Variants in LRMDA observed in about 807,000 individuals in gnomAD.
LRMDA encodes the protein leucine rich melanocyte differentiation associated.
Under a neutral mutation model 29.8 loss-of-function variants are expected in LRMDA, and 18 were observed. The ratio of observed to expected loss-of-function variants is 0.60; its 90% CI spans 0.42 to 0.90. LRMDA has a LOEUF of 0.90. Ranked by LOEUF, LRMDA falls within the 40% of genes least tolerant of loss-of-function variation. The probability of loss-of-function intolerance (pLI) is 0.00; values close to 1 mark genes in which losing one functional copy is unlikely to be tolerated. For missense variants in LRMDA, 273 were observed against 273.9 expected (o/e 1.00, Z 0.02); for synonymous variants, 125 against 109.4 (o/e 1.14, Z -0.89).
At chr10:75,553,619 A>G (rs573777894) in intron 2 of LRMDA, among the ~76,000 whole-genome samples, 24 of 152,246 alleles carry the variant, frequency 1.6e-4, no homozygotes, top group Non-Finnish European at 2.8e-4. Context: ...GCAGGCCTCT[A>G]TATCTATGCA....
At chr10:75,641,611 T>A (rs149789133) in intron 2 of LRMDA, among the ~76,000 whole-genome samples, 12 of 150,384 alleles carry the variant, frequency 8.0e-5, no homozygotes, top group African/African-American at 2.4e-4. Context: ...TTAAAAAAAA[T>A]TTTTTTTTTG....
At chr10:75,462,024 C>G (rs956080612) in intron 2 of LRMDA, among the ~76,000 whole-genome samples, 6 of 152,204 alleles carry the variant, frequency 3.9e-5, no homozygotes, top group Non-Finnish European at 5.9e-5. Flanking sequence ...AAATCAAGTA[C>G]GCTAACTTGC....
chr10:76,167,081 A>G (rs540254850), intron 5 of LRMDA, among the ~76,000 whole-genome samples: 1 of 151,980 alleles, frequency 6.6e-6, no homozygotes. Context: ...GCTTTTTTTC[A>G]TATGCTTGCT....
intron 2 of LRMDA, among the ~76,000 whole-genome samples, chr10:75,676,953 C>T (rs1841966967): frequency 1.3e-5 from 2 of 152,084 alleles, no homozygotes; most frequent in African/African-American, 2.4e-5. Flanking sequence ...TCCAGTGGTA[C>T]CACCAGGTCT....
chr10:75,896,064 T>G (rs1845575613), intron 2 of LRMDA, among the ~76,000 whole-genome samples: 1 of 152,250 alleles, frequency 6.6e-6, no homozygotes, highest in South Asian at 2.1e-4. Flanking sequence ...ATTGAGTTCA[T>G]GTATGGAAAG....
At chr10:76,447,272 A>T (rs1203478112) in intron 6 of LRMDA, among the ~76,000 whole-genome samples, 2 of 152,148 alleles carry the variant, frequency 1.3e-5, no homozygotes, top group East Asian at 3.9e-4. Flanking sequence ...TAGTTTACAT[A>T]GTGCTTTCTT....
rs1019254510 is a variant in LRMDA, at chr10:75,751,378, A to G, written c.132-284630A>G. Reference sequence around the variant, plus strand: ...TGGGGAGAGGGAGGGGGAGTGGGAGAGGGAGGGAGAGGAATATAGAAACTT... The same window carrying G: ...TGGGGAGAGGGAGGGGGAGTGGGAGGGGGAGGGAGAGGAATATAGAAACTT... On this transcript the variant is annotated intron_variant, in intron 2 of 6. Coordinates refer to ENST00000611255, the MANE Select transcript of LRMDA (RefSeq NM_001305581.2). Among the ~76,000 whole-genome samples, 913 of 151,428 alleles carry G rather than the reference A, an allele frequency of 6.0e-3. 10 individuals carry two copies. Among genetic ancestry groups the G allele is most frequent in the African/African-American group, 0.02 (843 of 41,244 alleles).
intron 5 of LRMDA, among the ~76,000 whole-genome samples, chr10:76,060,076 C>A (rs1848680414): frequency 6.6e-6 from 1 of 152,108 alleles, no homozygotes; most frequent in Admixed American, 6.5e-5. Context: ...TATTTCTTGG[C>A]CTTCTTTTTA....
intron 2 of LRMDA, among the ~76,000 whole-genome samples, chr10:75,849,983 A>G (rs1458529414): frequency 6.6e-6 from 1 of 152,228 alleles, no homozygotes; most frequent in African/African-American, 2.4e-5. Flanking sequence ...TTGTGGTAGC[A>G]TATAAATTGT....
At chr10:76,385,076 A>G (rs761109380) in intron 6 of LRMDA, among the ~76,000 whole-genome samples, 1 of 152,172 alleles carries the variant, frequency 6.6e-6, no homozygotes, top group Admixed American at 6.5e-5. Context: ...TTATTAATCT[A>G]CTTAAGGCAT....
intron 5 of LRMDA, among the ~76,000 whole-genome samples, chr10:76,196,306 A>G (rs1023662124): frequency 1.3e-5 from 2 of 152,254 alleles, no homozygotes; most frequent in Non-Finnish European, 2.9e-5. Context: ...TTCAGCAAAC[A>G]TGGAGTACCT....
intron 2 of LRMDA, among the ~76,000 whole-genome samples, chr10:75,968,558 C>T (rs566824712): frequency 6.6e-6 from 1 of 152,196 alleles, no homozygotes; most frequent in African/African-American, 2.4e-5. Flanking sequence ...AGGGGCTTGC[C>T]GGATACTTTC....
intron 2 of LRMDA, among the ~76,000 whole-genome samples, chr10:75,940,562 T>C (rs1443624817): frequency 6.6e-6 from 1 of 152,178 alleles, no homozygotes; most frequent in African/African-American, 2.4e-5. Context: ...TGTTCCACAT[T>C]GGCACTTGGC....
intron 6 of LRMDA, among the ~76,000 whole-genome samples, chr10:76,473,572 G>A (rs548472971): frequency 6.7e-6 from 1 of 150,248 alleles, no homozygotes; most frequent in Non-Finnish European, 1.5e-5. Flanking sequence ...AGAAGTAATA[G>A]TATTTACTTG....
intron 4 of LRMDA, 61 bp from the exon 5 acceptor site, chr10:76,058,605 G>C: frequency 7.4e-7 from 1 of 1,347,598 alleles, no homozygotes; most frequent in Non-Finnish European, 1.1e-6. Flanking sequence ...CAGACAAGCT[G>C]TCGGGATCTC....
intron 2 of LRMDA, among the ~76,000 whole-genome samples, chr10:75,655,882 C>A (rs773058130): frequency 1.3e-5 from 2 of 152,080 alleles, no homozygotes; most frequent in Non-Finnish European, 2.9e-5. Context: ...GGCCCCTTCA[C>A]CTGCACATCC....
intron 2 of LRMDA, among the ~76,000 whole-genome samples, chr10:75,632,503 T>G (rs1841336374): frequency 1.3e-5 from 2 of 152,204 alleles, no homozygotes; most frequent in African/African-American, 4.8e-5. Context: ...GCTTTCCTAA[T>G]AAACTCTCAG....
chr10:75,755,032 A>G (rs1843013998), intron 2 of LRMDA, among the ~76,000 whole-genome samples: 1 of 150,718 alleles, frequency 6.6e-6, no homozygotes, highest in South Asian at 2.1e-4. Flanking sequence ...CCTCATGGAA[A>G]AGTTTTTTGG....
At chr10:76,215,292 G>A (rs1017573419) in intron 5 of LRMDA, among the ~76,000 whole-genome samples, 2 of 152,164 alleles carry the variant, frequency 1.3e-5, no homozygotes, top group African/African-American at 4.8e-5. Context: ...GACAGAGCAA[G>A]TTTCATTTTG....
Sources: gnomAD v4.1 joint callset for allele counts (sites outside exome capture counted in the v4.1 genomes callset) on GRCh38, gnomAD v4.1.1 for gene constraint, MANE v1.5 for transcripts, NCBI Gene and HGNC (gene_info 2026-07-23, HGNC 2026-07-21) for gene names.